Variants in CCDC18 observed in about 807,000 individuals in gnomAD.
The protein encoded by CCDC18 is coiled-coil domain-containing protein 18.
A neutral mutation model predicts 196.0 loss-of-function variants in CCDC18; 157 were observed. The observed-to-expected ratio is 0.80, with a 90% CI of 0.70 to 0.91. The LOEUF (loss-of-function observed/expected upper bound fraction) is 0.91, where lower values mean the gene tolerates loss of function less well. CCDC18 is among the 40% of genes least tolerant of loss of function. CCDC18 has a pLI of 0.00. For synonymous variants in CCDC18, 482 were observed against 529.2 expected (o/e 0.91, Z 1.22); for missense variants, 1,465 against 1,611.6 (o/e 0.91, Z 1.56).
At chr1:93,260,661 C>T (rs1663659889) in intron 26 of CCDC18, among the ~76,000 whole-genome samples, 1 of 151,196 alleles carries the variant, frequency 6.6e-6, no homozygotes. Flanking sequence ...GGTACGTGTG[C>T]AGAACATGCA....
Position 93,270,815 on chromosome 1 carries a change from G to C in CCDC18, c.4353+1G>C. Reference sequence around the variant, plus strand: ...GCAAACAGGTGCTGGTTTAAATCAGGTATGTATTTTATACACTGTAAACTG... The same window carrying C: ...GCAAACAGGTGCTGGTTTAAATCAGCTATGTATTTTATACACTGTAAACTG... On this transcript the variant is annotated splice_donor_variant, in intron 28 of 28. Coordinates refer to ENST00000690025, the MANE Select transcript of CCDC18 (RefSeq NM_001378204.1). LOFTEE classifies it high-confidence loss of function. The C allele has an allele frequency of 6.6e-7, 1 of 1,516,668 alleles. No individual in the cohort carries two copies. Among genetic ancestry groups the C allele is most frequent in the Non-Finnish European group, 8.8e-7 (1 of 1,131,238 alleles). The allele number at this position is 1,516,668 out of a possible 1,614,324, so 94.0% of individuals were successfully genotyped here.
chr1:93,206,470 T>C (rs1654718005), intron 8 of CCDC18, among the ~76,000 whole-genome samples: 1 of 152,134 alleles, frequency 6.6e-6, no homozygotes, highest in South Asian at 2.1e-4. Flanking sequence ...ATTTTCATAT[T>C]TTTCAAAAAA....
chr1:93,249,322 A>C (rs1557688358), intron 23 of CCDC18, among the ~76,000 whole-genome samples: 1 of 151,596 alleles, frequency 6.6e-6, no homozygotes, highest in Non-Finnish European at 1.5e-5. Context: ...TTCCTTTTTC[A>C]TCTCATTTTA....
intron 7 of CCDC18, among the ~76,000 whole-genome samples, chr1:93,205,250 A>T (rs1245296729): frequency 6.6e-6 from 1 of 152,200 alleles, no homozygotes; most frequent in Admixed American, 6.5e-5. Context: ...CAGCAGCTGT[A>T]GATGAATTTT....
upstream of CCDC18, chr1:93,180,050 TTACTTGG>T (rs1649255988): frequency 1.9e-6 from 3 of 1,611,922 alleles, no homozygotes; most frequent in East Asian, 6.7e-5. Context: ...TCCTCCGCAC[TTACTTGG>T]TACTCGATCT....
intron 6 of CCDC18, among the ~76,000 whole-genome samples, chr1:93,196,000 G>C (rs778054765): frequency 2.0e-5 from 3 of 152,144 alleles, no homozygotes; most frequent in Non-Finnish European, 2.9e-5. Flanking sequence ...CTGTTTGTAA[G>C]AGATTACCTA....
chr1:93,259,019 C>A, intron 26 of CCDC18, 134 bp downstream of exon 26: 1 of 707,874 alleles, frequency 1.4e-6, no homozygotes. Context: ...GTAGCCTAAA[C>A]ATACAGCTTT....
At chr1:93,222,050 A>T in intron 16 of CCDC18, 114 bp downstream of exon 16, 1 of 642,998 alleles carries the variant, frequency 1.6e-6, no homozygotes. Context: ...ACTCACTGCA[A>T]CCTTGAACTC....
rs552864169 is a variant in CCDC18, at chr1:93,239,641, T to C, written c.2768-42T>C. ...TAATATATACAAAGTTTGTAATAAA[T>C]GGTTTACATATAGTTATAAAATTAT... is the stretch of plus-strand genomic sequence containing the variant. On this transcript the variant is annotated intron_variant, in intron 20 of 28. Coordinates refer to ENST00000690025, the MANE Select transcript of CCDC18 (RefSeq NM_001378204.1). 75 of 1,428,260 alleles carry C rather than the reference T, an allele frequency of 5.3e-5. No individual in the cohort carries two copies. In the Middle Eastern group the frequency reaches 2.0e-3, roughly 38 times the overall value. 88.5% of individuals were successfully genotyped at this position (1,428,260 alleles called of 1,614,324 possible).
intron 11 of CCDC18, among the ~76,000 whole-genome samples, chr1:93,213,646 A>T (rs985307594): frequency 6.6e-6 from 1 of 151,970 alleles, no homozygotes; most frequent in African/African-American, 2.4e-5. Flanking sequence ...TTTATTTCCA[A>T]ATATTTGGAG....
chr1:93,272,258 T>A (rs1014854225), intron 28 of CCDC18, among the ~76,000 whole-genome samples: 16 of 152,182 alleles, frequency 1.1e-4, no homozygotes, highest in African/African-American at 3.9e-4. Context: ...GGAGAGGGTA[T>A]GGTCATTTCG....
intron 1 of CCDC18, among the ~76,000 whole-genome samples, chr1:93,181,384 G>A (rs1429416945): frequency 6.6e-6 from 1 of 152,032 alleles, no homozygotes; most frequent in Admixed American, 6.6e-5. Flanking sequence ...ATGGGTGTGC[G>A]TGTGCAAACC....
At chr1:93,181,040 G>C (rs1184983918) in intron 1 of CCDC18, among the ~76,000 whole-genome samples, 188 bp downstream of exon 1, 2 of 152,014 alleles carry the variant, frequency 1.3e-5, no homozygotes, top group Non-Finnish European at 2.9e-5. Flanking sequence ...TAGGAGGCCG[G>C]GCGCAGTGGC....
Position 93,194,081 on chromosome 1 carries a change from A to G in CCDC18, c.698+337A>G, listed in dbSNP as rs182425771. 1.7e-4 allele frequency among the ~76,000 whole-genome samples: 26 copies of G among 152,284 alleles called. 1 individual carries two copies. The highest frequency in any genetic ancestry group is 1.6e-3 in the Admixed American group (25 of 15,298). On this transcript the variant is annotated intron_variant, in intron 6 of 28. Coordinates refer to ENST00000690025, the MANE Select transcript of CCDC18 (RefSeq NM_001378204.1). ...TAACAGGGAAAAAGCCTGTAAATTA[A>G]TATTACCTCTAATAAAACTAAATAA...
In CCDC18 at chr1:93,212,280, T is replaced by G; in HGVS notation, c.1495+19T>G. 7.0e-7 allele frequency: 1 copy of G among 1,428,010 alleles called. No homozygotes were observed. 88.5% of individuals were successfully genotyped at this position (1,428,010 alleles called of 1,614,324 possible). ...CAAGTAGGTAAGTATATTGAGTTAT[T>G]TTAATAAATTATATTCAGAGTTTTG... On this transcript the variant is annotated intron_variant, in intron 11 of 28. Transcript: ENST00000690025.
rs1421839821 is a variant in CCDC18, at chr1:93,271,603, G to A, written c.4353+789G>A. The A allele has an allele frequency of 5.4e-6, 5 of 923,244 alleles. No individual in the cohort carries two copies. The African/African-American group carries it at 8.9e-5, about 17-fold the overall frequency. 57.2% of individuals were successfully genotyped at this position (923,244 alleles called of 1,614,324 possible). ...CAATCCCAGCTATCCAGGAGGCTGA[G>A]GCAGGAGGATTATTTGAGCCCAGGA... On this transcript the variant is annotated intron_variant, in intron 28 of 28. Transcript: ENST00000690025.
Position 93,221,717 on chromosome 1 carries a change from G to C in CCDC18, c.2071G>C (p.Asp691His). Residue 691 changes from aspartate (D) to histidine (H), a missense_variant, in exon 15 of 29, where the codon GAT becomes CAT. Physicochemically the swap from Asp to His is moderately conservative, Grantham distance 81. Coordinates refer to ENST00000690025, the MANE Select transcript of CCDC18 (RefSeq NM_001378204.1). ...ICKQHHLESL[D>H]RLLTESKGEM... Reference sequence around the variant, plus strand: ...CAAACAACATCATCTTGAATCACTAGATAGACTCTTGACGGAAAGCAAAGG... The same window carrying C: ...CAAACAACATCATCTTGAATCACTACATAGACTCTTGACGGAAAGCAAAGG... 6.3e-7 allele frequency: 1 copy of C among 1,599,776 alleles called. No homozygotes were observed. Among genetic ancestry groups the C allele is most frequent in the Non-Finnish European group, 8.5e-7 (1 of 1,176,310 alleles).
chr1:93,180,045 C>T (rs773305689), upstream of CCDC18: 10 of 1,611,100 alleles, frequency 6.2e-6, no homozygotes, highest in South Asian at 1.1e-5. Context: ...GTTTATCCTC[C>T]GCACTTACTT....
At chr1:93,206,446 TTTC>T (rs1654714517) in intron 8 of CCDC18, among the ~76,000 whole-genome samples, 1 of 152,190 alleles carries the variant, frequency 6.6e-6, no homozygotes, top group African/African-American at 2.4e-5. Flanking sequence ...TTAGATATGA[TTTC>T]TTAAGTCGTT....
Sources: gnomAD v4.1 joint callset for allele counts (sites outside exome capture counted in the v4.1 genomes callset) on GRCh38, gnomAD v4.1.1 for gene constraint, MANE v1.5 for transcripts, NCBI Gene and HGNC (gene_info 2026-07-23, HGNC 2026-07-21) for gene names.